The following OSBPL10 variants were observed in gnomAD, a reference collection of about 807,000 sequenced individuals.
OSBPL10 encodes the protein oxysterol-binding protein-related protein 10.
OSBPL10 carries 49 observed loss-of-function variants against 81.7 expected under a neutral mutation model. That is an observed-to-expected ratio of 0.60 (90% CI 0.48 to 0.76). The LOEUF is 0.76. Ranked by LOEUF, OSBPL10 falls within the 30% of genes least tolerant of loss-of-function variation. The pLI, the probability that OSBPL10 is intolerant of heterozygous loss-of-function variation, is 0.00. For missense variants in OSBPL10, 923 were observed against 987.8 expected, an observed-to-expected ratio of 0.93 and a Z score of 0.88; for synonymous variants, 419 against 383.6, an observed-to-expected ratio of 1.09 and a Z score of -1.08.
At chr3:31,732,465 A>T (rs974168455) in intron 6 of OSBPL10, 1 of 152,232 alleles carries the variant, frequency 6.6e-6, no homozygotes, top group African/African-American at 2.4e-5. Flanking sequence ...TTCAATGGAA[A>T]TTAAGAACAA....
chr3:31,693,459 C>T (rs763837382), intron 7 of OSBPL10, among the ~76,000 whole-genome samples: 43 of 152,266 alleles, frequency 2.8e-4, no homozygotes, highest in South Asian at 2.5e-3. Context: ...AAGTAAATAA[C>T]GCAGCAATGT....
chr3:31,753,448 G>C (rs900945767), intron 4 of OSBPL10, among the ~76,000 whole-genome samples: 1 of 152,062 alleles, frequency 6.6e-6, no homozygotes, highest in Non-Finnish European at 1.5e-5. Flanking sequence ...GCCTCACAAA[G>C]TGCTGGGATT....
chr3:31,747,496 A>T (rs929557814), intron 5 of OSBPL10, among the ~76,000 whole-genome samples: 4 of 151,132 alleles, frequency 2.6e-5, no homozygotes, highest in African/African-American at 9.7e-5. Flanking sequence ...ATAAAAAAAA[A>T]AAAAAAAAAA....
At chr3:32,019,539 G>A (rs769939403) in intron 2 of OSBPL10, among the ~76,000 whole-genome samples, 44 of 152,130 alleles carry the variant, frequency 2.9e-4, no homozygotes, top group Admixed American at 2.4e-3. Context: ...AAGAAAGATC[G>A]GTGCCAATGT....
chr3:31,879,532 A>G, intron 2 of OSBPL10, 123 bp downstream of exon 2: 1 of 982,948 alleles, frequency 1.0e-6, no homozygotes, highest in Non-Finnish European at 1.5e-6. Context: ...GTGTCACCAC[A>G]GAGTCCTCCA....
At chr3:31,858,152 C>G (rs1466676187) in intron 3 of OSBPL10, among the ~76,000 whole-genome samples, 1 of 151,726 alleles carries the variant, frequency 6.6e-6, no homozygotes, top group East Asian at 1.9e-4. Context: ...AGGAGCACGC[C>G]ACCACACCAG....
chr3:31,888,057 T>C (rs549167866), intron 1 of OSBPL10, among the ~76,000 whole-genome samples: 1 of 152,222 alleles, frequency 6.6e-6, no homozygotes, highest in African/African-American at 2.4e-5. Flanking sequence ...TAGAACACAC[T>C]ACCAGACTTC....
intron 1 of OSBPL10, among the ~76,000 whole-genome samples, chr3:31,927,826 G>T (rs187584609): frequency 6.6e-6 from 1 of 152,106 alleles, no homozygotes; most frequent in Admixed American, 6.5e-5. Context: ...ATAATTGTGG[G>T]GTTCTACCAG....
At chr3:31,752,656 T>C (rs1364123431) in intron 4 of OSBPL10, among the ~76,000 whole-genome samples, 1 of 152,058 alleles carries the variant, frequency 6.6e-6, no homozygotes, top group Non-Finnish European at 1.5e-5. Flanking sequence ...GATGCAAAGA[T>C]CAAAAACCAA....
chr3:31,980,764 T>C (rs1414400310), intron 1 of OSBPL10, 135 bp downstream of exon 1: 1 of 1,159,430 alleles, frequency 8.6e-7, no homozygotes, highest in Non-Finnish European at 1.1e-6. Context: ...AGGGCACCGT[T>C]GGGAGGCATC....
Position 31,832,548 on chromosome 3 carries a change from A to C in OSBPL10, c.538-2317T>G, listed in dbSNP as rs191428948. Among the ~76,000 whole-genome samples, 311 of 152,340 alleles carry C rather than the reference A, an allele frequency of 2.0e-3. 3 individuals are homozygous for C. Among genetic ancestry groups the C allele is most frequent in the Middle Eastern group, 0.017 (5 of 294 alleles). On this transcript the variant is annotated intron_variant, in intron 3 of 11. Transcript: ENST00000396556. The stretch of plus-strand genomic sequence containing the variant: ...TCTACTGTGTAGTGTCAGGAAGAAA[A>C]CAAAATGTATGAGACAGTTTTTCAC...
chr3:31,674,598 GATAGATAGATAGATAGATA>G (rs1700411187), intron 8 of OSBPL10, among the ~76,000 whole-genome samples: 1 of 56,714 alleles, frequency 1.8e-5, no homozygotes, highest in East Asian at 4.5e-4. Flanking sequence ...TAGATAGATA[GATAGATAGATAGATAGATA>G]GATAGATAGA....
At chr3:32,047,232 C>T (rs1696028053) in intron 1 of OSBPL10, among the ~76,000 whole-genome samples, 1 of 152,120 alleles carries the variant, frequency 6.6e-6, no homozygotes, top group African/African-American at 2.4e-5. Flanking sequence ...TCTCCTCAGC[C>T]TCCCAAAATG....
intron 6 of OSBPL10, among the ~76,000 whole-genome samples, chr3:31,709,605 G>C (rs1369253099): frequency 6.6e-6 from 1 of 152,132 alleles, no homozygotes; most frequent in Non-Finnish European, 1.5e-5. Context: ...TCAAGAAATA[G>C]CAAGGAAAAC....
chr3:31,872,236 G>A (rs1482000559), intron 3 of OSBPL10, among the ~76,000 whole-genome samples: 1 of 152,050 alleles, frequency 6.6e-6, no homozygotes, highest in Non-Finnish European at 1.5e-5. Flanking sequence ...TCCTAGAAGG[G>A]ACCCCACCAC....
intron 2 of OSBPL10, 37 bp downstream of exon 2, chr3:31,879,618 G>C (rs952655416): frequency 4.4e-6 from 7 of 1,574,556 alleles, no homozygotes; most frequent in East Asian, 4.5e-5. Context: ...ATAGCAACTA[G>C]AGGCCTGTCT....
intron 3 of OSBPL10, among the ~76,000 whole-genome samples, chr3:31,852,928 A>G (rs1700806319): frequency 6.6e-6 from 1 of 152,124 alleles, no homozygotes; most frequent in South Asian, 2.1e-4. Context: ...AGAATCTAGG[A>G]ATTTAAAGGT....
chr3:32,073,140 G>C (rs1699844128), intron 1 of OSBPL10, among the ~76,000 whole-genome samples: 1 of 152,122 alleles, frequency 6.6e-6, no homozygotes, highest in Non-Finnish European at 1.5e-5. Context: ...AGACGCTACA[G>C]GGTGCAGTCC....
chr3:31,841,303 A>G (rs756378033), intron 3 of OSBPL10, among the ~76,000 whole-genome samples: 5 of 152,230 alleles, frequency 3.3e-5, no homozygotes, highest in African/African-American at 4.8e-5. Flanking sequence ...AGAGCCAACA[A>G]GATTCATTTA....
Sources: gnomAD v4.1 joint callset for allele counts (sites outside exome capture counted in the v4.1 genomes callset) on GRCh38, gnomAD v4.1.1 for gene constraint, MANE v1.5 for transcripts, NCBI Gene and HGNC (gene_info 2026-07-23, HGNC 2026-07-21) for gene names.